Variants in COL25A1 observed in about 807,000 individuals in gnomAD.
COL25A1 encodes collagen alpha-1(XXV) chain.
In COL25A1, 103 loss-of-function variants were observed where a neutral mutation model predicts 128.4. The ratio of observed to expected loss-of-function variants is 0.80; its 90% CI spans 0.68 to 0.94. The LOEUF is 0.94. COL25A1 is among the 40% of genes least tolerant of loss of function. The probability of loss-of-function intolerance (pLI) is 0.00; values close to 1 mark genes in which losing one functional copy is unlikely to be tolerated. For synonymous variants in COL25A1, 279 were observed against 277.2 expected (o/e 1.01, Z -0.06); for missense variants, 745 against 840.0 (o/e 0.89, Z 1.40).
intron 3 of COL25A1, among the ~76,000 whole-genome samples, chr4:109,244,323 GCAGGATGATAATATCCTTAAATTCA>G (rs1319438952): frequency 6.6e-6 from 1 of 151,950 alleles, no homozygotes; most frequent in Non-Finnish European, 1.5e-5. Flanking sequence ...ACTAAAAAAA[GCAGGATGATAATATCCTTAAATTCA>G]CAGACTATAT....
At position 109,267,888 on chromosome 4, in the gene COL25A1, C is replaced by A. The variant is rs114196989; in HGVS notation, c.367+32695G>T. Among the ~76,000 whole-genome samples, 562 of 152,268 alleles carry A rather than the reference C, an allele frequency of 3.7e-3. 5 individuals are homozygous for A. The highest frequency in any genetic ancestry group is 0.012 in the African/African-American group (510 of 41,554). On this transcript the variant is annotated intron_variant, in intron 3 of 37. Transcript: ENST00000399132. ...CAGTCTAAAAGAGCTTTAATCAAAT[C>A]TGACTTCATCTGACGTTTGGATCTA...
At chr4:109,210,175 G>A (rs964033745) in intron 3 of COL25A1, among the ~76,000 whole-genome samples, 1 of 112,020 alleles carries the variant, frequency 8.9e-6, no homozygotes, top group East Asian at 2.3e-4. Context: ...AAGGAGCGAA[G>A]CCTCAAAAAA....
At chr4:109,186,783 TA>T (rs1157672204) in intron 3 of COL25A1, among the ~76,000 whole-genome samples, 1 of 152,228 alleles carries the variant, frequency 6.6e-6, no homozygotes, top group Non-Finnish European at 1.5e-5. Context: ...CTTCCAGATG[TA>T]AATAATCTGC....
At chr4:109,018,629 A>G (rs1310901263) in intron 5 of COL25A1, among the ~76,000 whole-genome samples, 1 of 152,228 alleles carries the variant, frequency 6.6e-6, no homozygotes, top group Non-Finnish European at 1.5e-5. Context: ...ACCAGGGAGT[A>G]GGGATCTTGC....
chr4:108,983,392 C>T (rs1380810585), intron 6 of COL25A1, among the ~76,000 whole-genome samples: 2 of 152,138 alleles, frequency 1.3e-5, no homozygotes, highest in East Asian at 1.9e-4. Context: ...TTCAGAGATA[C>T]GTTCATGTTT....
chr4:108,947,852 G>C (rs2125939447), intron 8 of COL25A1, among the ~76,000 whole-genome samples: 1 of 152,212 alleles, frequency 6.6e-6, no homozygotes, highest in Admixed American at 6.5e-5. Flanking sequence ...GGCTATGGAG[G>C]AAAAGATAAT....
intron 8 of COL25A1, among the ~76,000 whole-genome samples, chr4:108,949,423 C>T (rs59515039): frequency 0.044 from 6,621 of 152,154 alleles, 371 homozygotes; most frequent in African/African-American, 0.13. Context: ...ATTTGAGACA[C>T]GAAGAGGTGA....
At chr4:109,030,315 C>T (rs1005797919) in intron 5 of COL25A1, among the ~76,000 whole-genome samples, 1 of 152,168 alleles carries the variant, frequency 6.6e-6, no homozygotes, top group Non-Finnish European at 1.5e-5. Flanking sequence ...TGGAGAGAGG[C>T]AGCTGCCCCA....
intron 11 of COL25A1, among the ~76,000 whole-genome samples, chr4:108,923,248 G>A (rs556741869): frequency 6.6e-6 from 1 of 152,302 alleles, no homozygotes; most frequent in South Asian, 2.1e-4. Context: ...TGGTTAAGAT[G>A]ATTACATTTG....
At chr4:109,270,701 A>G (rs888921490) in intron 3 of COL25A1, among the ~76,000 whole-genome samples, 3 of 152,192 alleles carry the variant, frequency 2.0e-5, no homozygotes, top group Non-Finnish European at 4.4e-5. Context: ...ATATGGAACC[A>G]AGCCCCTTTT....
Position 109,170,398 on chromosome 4 carries a change from C to T in COL25A1, c.368-120219G>A, listed in dbSNP as rs149620532. Among the ~76,000 whole-genome samples, 260 of 152,202 alleles carry T rather than the reference C, an allele frequency of 1.7e-3. 3 individuals are homozygous for T. Among genetic ancestry groups the T allele is most frequent in the African/African-American group, 5.8e-3 (241 of 41,506 alleles). On this transcript the variant is annotated intron_variant, in intron 3 of 37. Transcript: ENST00000399132. ...TGGATTTACTTCTGTTCGGTGCAGG[C>T]CATACAATCCACACATCTTTTCAGG...
intron 33 of COL25A1, among the ~76,000 whole-genome samples, chr4:108,826,332 G>A (rs2125717254): frequency 6.6e-6 from 1 of 152,270 alleles, no homozygotes; most frequent in East Asian, 1.9e-4. Flanking sequence ...GAGGTCAGGA[G>A]TTTGAGACCA....
At chr4:109,221,865 A>T (rs1778435621) in intron 3 of COL25A1, among the ~76,000 whole-genome samples, 1 of 152,096 alleles carries the variant, frequency 6.6e-6, no homozygotes, top group African/African-American at 2.4e-5. Flanking sequence ...ATAAATAAAT[A>T]AAATACCCCA....
chr4:109,245,951 CAGAG>C (rs1780228552), intron 3 of COL25A1, among the ~76,000 whole-genome samples: 1 of 145,270 alleles, frequency 6.9e-6, no homozygotes, highest in Non-Finnish European at 1.5e-5. Context: ...GAGAGATATG[CAGAG>C]GCCAGGCCTG....
chr4:109,204,845 T>C lies in COL25A1; in HGVS notation c.367+95738A>G, dbSNP rs747710093. 2.6e-5 allele frequency among the ~76,000 whole-genome samples: 4 copies of C among 152,078 alleles called. No individual in the cohort carries two copies. In the South Asian group the frequency reaches 8.3e-4, roughly 32 times the overall value. ...AATTATTCTTAGTACTCTGGGAAAA[T>C]TCTCAATGGGAATTTTTATCATTAC... is the stretch of plus-strand genomic sequence containing the variant. On this transcript the variant is annotated intron_variant, in intron 3 of 37. Coordinates refer to ENST00000399132, the MANE Select transcript of COL25A1 (RefSeq NM_198721.4).
At chr4:108,964,737 A>G (rs980816059) in intron 8 of COL25A1, among the ~76,000 whole-genome samples, 3 of 152,194 alleles carry the variant, frequency 2.0e-5, no homozygotes, top group African/African-American at 4.8e-5. Context: ...CCTGGGTTCA[A>G]TTCAATGCAA....
At chr4:109,253,892 C>T (rs912614578) in intron 3 of COL25A1, among the ~76,000 whole-genome samples, 1 of 152,066 alleles carries the variant, frequency 6.6e-6, no homozygotes, top group Non-Finnish European at 1.5e-5. Flanking sequence ...TTGAGACCAT[C>T]CTGGCTAACA....
At position 108,810,265 on chromosome 4, in the gene COL25A1, C is replaced by T. The variant is rs562778642; in HGVS notation, c.*3662G>A. On this transcript the variant is annotated 3_prime_UTR_variant, in exon 38 of 38. Coordinates refer to ENST00000399132, the MANE Select transcript of COL25A1 (RefSeq NM_198721.4). ...TATAACATATCAAAGACAATTTTTC[C>T]ATTGGTACTGACATGCTGATTTGAC... 6.6e-6 allele frequency: 1 copy of T among 151,084 alleles called. No individual in the cohort carries two copies. Among genetic ancestry groups the T allele is most frequent in the Admixed American group, 6.6e-5 (1 of 15,198 alleles). The allele number at this position is 151,084 out of a possible 1,614,324, so 9.4% of individuals were successfully genotyped here.
chr4:108,826,394 TG>T (rs1210188220), intron 33 of COL25A1, among the ~76,000 whole-genome samples: 1 of 151,944 alleles, frequency 6.6e-6, no homozygotes, highest in Non-Finnish European at 1.5e-5. Flanking sequence ...AAAAATTAGC[TG>T]GGCATGGTGG....
Sources: allele counts gnomAD v4.1 joint callset (sites outside exome capture counted in the v4.1 genomes callset), GRCh38; gene constraint gnomAD v4.1.1; transcripts MANE v1.5; gene names NCBI Gene and HGNC (gene_info 2026-07-23, HGNC 2026-07-21).